The following RAPGEF1 variants were observed in gnomAD, a reference collection of about 807,000 sequenced individuals.
RAPGEF1 encodes the protein CRK SH3-binding GNRP.
In RAPGEF1, 33 loss-of-function variants were observed where a neutral mutation model predicts 143.3. The observed-to-expected ratio is 0.23, with a 90% CI of 0.17 to 0.31. The LOEUF is 0.31. Among genes scored for constraint, RAPGEF1 ranks in the 10% least tolerant of loss-of-function variants. The probability of loss-of-function intolerance (pLI) is 1.00; values close to 1 mark genes in which losing one functional copy is unlikely to be tolerated. For synonymous variants in RAPGEF1, 629 were observed against 676.5 expected (o/e 0.93, Z 1.09); for missense variants, 1,199 against 1,645.4 (o/e 0.73, Z 4.69).
rs552631144 is a variant in RAPGEF1 at position 131,650,931 on chromosome 9, A to G, written c.80T>C (p.Leu27Pro). 6.2e-7 allele frequency: 1 copy of G among 1,613,814 alleles called. No individual in the cohort carries two copies. Among genetic ancestry groups the G allele is most frequent in the South Asian group, 1.1e-5 (1 of 91,070 alleles). ...CATCAGCTTCATGGTGAAGGAAGAG[A>G]GATGAGAACGCTGAGAGTCTGAAAA... ...IEKADSQRSH[L>P]SSFTMKLMDK... The change falls in exon 2 of 27, where the codon CTC (leucine) becomes CCC (proline). Residue 27 changes from leucine to proline, a missense_variant. Physicochemically the swap from Leu to Pro is moderately conservative, Grantham distance 98. Coordinates refer to ENST00000683357, the MANE Select transcript of RAPGEF1 (RefSeq NM_001377935.1). The surrounding 1 kb of genome is among the most constrained non-coding windows in gnomAD (Gnocchi z 4.7).
chr9:131,621,829 C>T lies in RAPGEF1; in HGVS notation c.1872G>A (p.Pro624=), dbSNP rs373744692. The change falls in exon 11 of 27, where the codon CCG becomes CCA. Residue 624 remains proline, a synonymous_variant. Transcript: ENST00000683357. This position sits in a 1 kb window ranked among gnomAD's most constrained non-coding sequence, Gnocchi z 4.5. The part of the protein sequence containing the change: ...SGVDSVQELA[P]PPALPPKQRQ... ...GCTGCTTGGGGGGTAGGGCGGGCGG[C>T]GGGGCCAGCTCCTGCACGGAGTCCA... The T allele has an allele frequency of 1.8e-5, 29 of 1,609,456 alleles. No individual in the cohort carries two copies. The East Asian group carries it at 2.5e-4, about 14-fold the overall frequency.
chr9:131,597,417 G>A (rs1955490698), intron 16 of RAPGEF1, among the ~76,000 whole-genome samples: 1 of 152,232 alleles, frequency 6.6e-6, no homozygotes, highest in African/African-American at 2.4e-5. Flanking sequence ...ACATTCCTGG[G>A]CTGCTCCCTG....
chr9:131,723,219 T>A (rs994618583), intron 1 of RAPGEF1, among the ~76,000 whole-genome samples: 4 of 152,050 alleles, frequency 2.6e-5, no homozygotes, highest in Non-Finnish European at 2.9e-5. Flanking sequence ...TAAATAAAAA[T>A]TTTAAAAAGA....
chr9:131,666,220 G>A (rs1457092674), intron 1 of RAPGEF1, among the ~76,000 whole-genome samples: 1 of 152,058 alleles, frequency 6.6e-6, no homozygotes, highest in Non-Finnish European at 1.5e-5. Context: ...TTCTTTGGTG[G>A]GACGCTTCAG....
At chr9:131,714,821 T>C (rs2131237769) in intron 1 of RAPGEF1, among the ~76,000 whole-genome samples, 1 of 151,660 alleles carries the variant, frequency 6.6e-6, no homozygotes, top group East Asian at 2.0e-4. Flanking sequence ...AATCCTCCTG[T>C]CTCAGCCTCC....
chr9:131,694,275 G>A (rs1833981024), intron 1 of RAPGEF1, among the ~76,000 whole-genome samples: 1 of 152,166 alleles, frequency 6.6e-6, no homozygotes, highest in Non-Finnish European at 1.5e-5. Context: ...AGCAGAGAAT[G>A]AGGCCTAATA....
At chr9:131,706,579 ATC>A (rs1318889544) in intron 1 of RAPGEF1, among the ~76,000 whole-genome samples, 9 of 152,124 alleles carry the variant, frequency 5.9e-5, no homozygotes, top group Admixed American at 5.2e-4. Flanking sequence ...GTGCCTGGGA[ATC>A]TTTAATTCCA....
intron 1 of RAPGEF1, among the ~76,000 whole-genome samples, chr9:131,699,575 A>C (rs1834475599): frequency 6.6e-6 from 1 of 152,170 alleles, no homozygotes; most frequent in Non-Finnish European, 1.5e-5. Context: ...GTCTCCAGTG[A>C]CCACTATGTT....
chr9:131,660,615 AGCTGGCCTGTCTGC>A (rs1015257805), intron 1 of RAPGEF1, among the ~76,000 whole-genome samples: 32 of 152,254 alleles, frequency 2.1e-4, no homozygotes, highest in Non-Finnish European at 3.7e-4. Context: ...AACACCCTCA[AGCTGGCCTGTCTGC>A]GCCCTTGTAT....
intron 1 of RAPGEF1, among the ~76,000 whole-genome samples, chr9:131,729,191 C>T (rs1836861734): frequency 6.6e-6 from 1 of 152,244 alleles, no homozygotes; most frequent in African/African-American, 2.4e-5. Flanking sequence ...CTGCCTCTAA[C>T]ACGGATGAGG....
intron 12 of RAPGEF1, among the ~76,000 whole-genome samples, chr9:131,614,870 C>T (rs1487606768): frequency 4.7e-5 from 7 of 149,640 alleles, no homozygotes; most frequent in African/African-American, 7.4e-5. Flanking sequence ...ACAGTTATTA[C>T]AGGCATTTCA....
rs748242931 is a variant in RAPGEF1 at position 131,650,835 on chromosome 9, T to A, written c.176A>T (p.Lys59Met). 1.7e-5 allele frequency: 28 copies of A among 1,613,920 alleles called. No homozygotes were observed. Among genetic ancestry groups the A allele is most frequent in the Non-Finnish European group, 2.2e-5 (26 of 1,179,908 alleles). Residue 59 changes from lysine to methionine, a missense_variant, in exon 2 of 27, where the codon AAG becomes ATG. By Grantham distance (95) the Lys-to-Met change is moderately conservative. Transcript: ENST00000683357. This position sits in a 1 kb window ranked among gnomAD's most constrained non-coding sequence, Gnocchi z 4.7. ...TTTGTTCACAGGCTTCTCTGGAATC[T>A]TTACGGACACCTCAGCTGGTTTTCC... is the stretch of plus-strand genomic sequence containing the variant. ...KKGKPAEVSV[K>M]IPEKPVNKEA...
chr9:131,582,988 T>C (rs929913229), intron 24 of RAPGEF1, among the ~76,000 whole-genome samples: 2 of 152,190 alleles, frequency 1.3e-5, no homozygotes, highest in Non-Finnish European at 1.5e-5. Context: ...CAGCCAGCGC[T>C]TGTGTGTATA....
intron 5 of RAPGEF1, among the ~76,000 whole-genome samples, chr9:131,636,951 C>T (rs776448717): frequency 1.3e-5 from 2 of 152,248 alleles, no homozygotes; most frequent in South Asian, 2.1e-4. Flanking sequence ...GGAGGCTGGG[C>T]GCAGTGGCTC....
At chr9:131,631,675 C>T (rs1485374224) in intron 5 of RAPGEF1, among the ~76,000 whole-genome samples, 1 of 152,210 alleles carries the variant, frequency 6.6e-6, no homozygotes, top group African/African-American at 2.4e-5. Context: ...CCTCTCCAGA[C>T]TCAAAAAAGC....
chr9:131,630,441 T>G, intron 5 of RAPGEF1, 117 bp from the exon 6 acceptor site: 1 of 946,612 alleles, frequency 1.1e-6, no homozygotes, highest in Non-Finnish European at 1.6e-6. Context: ...TGCCTACAGA[T>G]TCCCCACGCA....
intron 1 of RAPGEF1, among the ~76,000 whole-genome samples, chr9:131,689,418 T>G (rs1270787055): frequency 1.3e-5 from 2 of 152,208 alleles, no homozygotes; most frequent in African/African-American, 4.8e-5. Context: ...CTTCACTGAT[T>G]AGTTTTAAGA....
At chr9:131,625,166 C>T (rs1030215058) in intron 10 of RAPGEF1, among the ~76,000 whole-genome samples, 5 of 152,156 alleles carry the variant, frequency 3.3e-5, no homozygotes, top group South Asian at 2.1e-4. Context: ...CACATTGAAA[C>T]GGTGACAGCT....
At chr9:131,656,691 C>T (rs1051246721) in intron 1 of RAPGEF1, among the ~76,000 whole-genome samples, 1 of 152,144 alleles carries the variant, frequency 6.6e-6, no homozygotes, top group African/African-American at 2.4e-5. Context: ...ATGACCACGG[C>T]GGAACTGGGG....
Sources: gnomAD v4.1 joint callset for allele counts (sites outside exome capture counted in the v4.1 genomes callset) on GRCh38, gnomAD v4.1.1 for gene constraint, Gnocchi (gnomAD v3.1) non-coding constraint, MANE v1.5 for transcripts, NCBI Gene and HGNC (gene_info 2026-07-23, HGNC 2026-07-21) for gene names.